Variants in S100A14 observed in about 807,000 individuals in gnomAD.
S100A14 encodes the protein S100 calcium binding protein A14.
Under a neutral mutation model 10.6 loss-of-function variants are expected in S100A14, and 6 were observed. That is an observed-to-expected ratio of 0.57 (90% CI 0.31 to 1.12). S100A14 has a LOEUF of 1.12. S100A14 is among the 50% of genes most tolerant of loss of function. The pLI, the probability that S100A14 is intolerant of heterozygous loss-of-function variation, is 0.06. For synonymous variants in S100A14, 51 were observed against 51.0 expected, an observed-to-expected ratio of 1.00 and a Z score of 0.00; for missense variants, 121 against 128.7, an observed-to-expected ratio of 0.94 and a Z score of 0.29.
intron 1 of S100A14, 21 bp from the exon 2 acceptor site, chr1:153,615,957 G>T: frequency 8.3e-7 from 1 of 1,200,444 alleles, no homozygotes; most frequent in Non-Finnish European, 1.2e-6. Flanking sequence ...GAGGGGGTAG[G>T]CCTGAGCTGA....
intron 2 of S100A14, 52 bp from the exon 3 acceptor site, chr1:153,615,433 C>T (rs777677124): frequency 8.2e-6 from 13 of 1,584,682 alleles, no homozygotes; most frequent in Admixed American, 7.0e-5. Context: ...CACCCCAAAA[C>T]CCTGCTTCTC....
Position 153,614,708 on chromosome 1 carries a change from C to T in S100A14, c.*177G>A. ...TCCCTCTGGTGGAGACTCCTCCACC[C>T]ATGAGCTCCCCAGAGCATCCAAGAC... On this transcript the variant is annotated 3_prime_UTR_variant, in exon 4 of 4. Coordinates refer to ENST00000344616, the MANE Select transcript of S100A14 (RefSeq NM_020672.3). The T allele has an allele frequency of 1.4e-6, 1 of 716,018 alleles. No homozygotes were observed. The highest frequency in any genetic ancestry group is 2.2e-6 in the Non-Finnish European group (1 of 454,616). The allele number at this position is 716,018 out of a possible 1,614,324, so 44.4% of individuals were successfully genotyped here. A position where few individuals can be genotyped will look rare whatever the true frequency, so the allele number is the denominator to read the frequency against.
chr1:153,615,425 C>A, intron 2 of S100A14, 44 bp from the exon 3 acceptor site: 3 of 1,592,852 alleles, frequency 1.9e-6, no homozygotes, highest in Non-Finnish European at 2.6e-6. Context: ...GCTCCATGCA[C>A]CCCAAAACCC....
At chr1:153,615,111 G>A in intron 3 of S100A14, 89 bp from the exon 4 acceptor site, 3 of 1,586,366 alleles carry the variant, frequency 1.9e-6, no homozygotes, top group Admixed American at 3.4e-5. Context: ...AGCAGGAGCA[G>A]AGGCTACCTA....
intron 1 of S100A14, 115 bp from the exon 2 acceptor site, chr1:153,616,051 A>T (rs981591075): frequency 1.8e-6 from 1 of 567,372 alleles, no homozygotes; most frequent in African/African-American, 1.9e-5. Context: ...TTCAAAACCA[A>T]CACCACATAG....
Position 153,614,898 on chromosome 1 carries a change from A to T in S100A14, c.302T>A (p.Val101Asp). 1 of 1,613,754 alleles carries T rather than the reference A, an allele frequency of 6.2e-7. No individual in the cohort carries two copies. ...AAKSVKLERP[V>D]RGH ...CAGAGGGAGTTCTCAGTGCCCCCGG[A>T]CAGGCCTCTCCAGCTTCACACTCTT... The change falls in exon 4 of 4, where the codon GTC becomes GAC. Residue 101 changes from valine to aspartate, a missense_variant. Val to Asp is a radical substitution (Grantham distance 152). Transcript: ENST00000344616.
chr1:153,615,719 G>T, intron 2 of S100A14, 110 bp downstream of exon 2: 1 of 1,112,106 alleles, frequency 9.0e-7, no homozygotes, highest in Non-Finnish European at 1.4e-6. Context: ...ACAGGGTCTG[G>T]GGTGCAGGGC....
At position 153,614,782 on chromosome 1, in the gene S100A14, G is replaced by C. The variant is rs934075850; in HGVS notation, c.*103C>G. ...GGAAGCTGAACTTTGCAGAGATGAG[G>C]ACAGGTGCAGGCTAGGGTACAGGGT... On this transcript the variant is annotated 3_prime_UTR_variant, in exon 4 of 4. Transcript: ENST00000344616. The C allele has an allele frequency of 8.0e-6, 11 of 1,379,418 alleles. No homozygotes were observed. In the African/African-American group the frequency reaches 1.6e-4, roughly 20 times the overall value. The allele number at this position is 1,379,418 out of a possible 1,614,324, so 85.4% of individuals were successfully genotyped here.
In S100A14 at chr1:153,614,491, A is replaced by G. The variant is rs1344747310; in HGVS notation, c.*394T>C. On this transcript the variant is annotated 3_prime_UTR_variant, in exon 4 of 4. Coordinates refer to ENST00000344616, the MANE Select transcript of S100A14 (RefSeq NM_020672.3). ...CAGACAGCTATGGTTTGGATTGGGGAAGAGATTAGGAAGTAGGTTCTTAAA... is the reference window on the plus strand; with the variant it reads ...CAGACAGCTATGGTTTGGATTGGGGGAGAGATTAGGAAGTAGGTTCTTAAA... 5.8e-6 allele frequency: 1 copy of G among 171,108 alleles called. No homozygotes were observed. Among genetic ancestry groups the G allele is most frequent in the Non-Finnish European group, 1.3e-5 (1 of 78,930 alleles). The allele number at this position is 171,108 out of a possible 1,614,324, so 10.6% of individuals were successfully genotyped here. A position where few individuals can be genotyped will look rare whatever the true frequency, so the allele number is the denominator to read the frequency against.
intron 2 of S100A14, 51 bp from the exon 3 acceptor site, chr1:153,615,432 AC>A (rs1478791752): frequency 7.6e-6 from 12 of 1,586,534 alleles, no homozygotes; most frequent in Non-Finnish European, 9.4e-6. Flanking sequence ...GCACCCCAAA[AC>A]CCTGCTTCTC....
At position 153,615,228 on chromosome 1, in the gene S100A14, T is replaced by C. The variant is rs771704930; in HGVS notation, c.177+7A>G. ...ACTGGCTGAGGTGGGGTGTGCTCCG[T>C]CCATACCGGCATGAGATGGGGCAGC... is the stretch of plus-strand genomic sequence containing the variant. On this transcript the variant is annotated splice_region_variant and intron_variant, in intron 3 of 3. Transcript: ENST00000344616. 3 of 1,613,320 alleles carry C rather than the reference T, an allele frequency of 1.9e-6. No homozygotes were observed. The highest frequency in any genetic ancestry group is 1.3e-5 in the African/African-American group (1 of 74,946).
At position 153,614,996 on chromosome 1, in the gene S100A14, A is replaced by G. The variant is rs1666930073; in HGVS notation, c.204T>C (p.Ile68=). 5.0e-6 allele frequency: 8 copies of G among 1,613,904 alleles called. No individual in the cohort carries two copies. The highest frequency in any genetic ancestry group is 6.8e-6 in the Non-Finnish European group (8 of 1,179,988). ...AGTCATTGCAGCTGCCCAGGTTGGCAATTTTCTCTTCCAGGCCACAGTTGC... is the reference window on the plus strand; with the variant it reads ...AGTCATTGCAGCTGCCCAGGTTGGCGATTTTCTCTTCCAGGCCACAGTTGC... ...MPSNCGLEEK[I]ANLGSCNDSK... Residue 68 remains isoleucine, a synonymous_variant, in exon 4 of 4, where the codon ATT becomes ATC. Transcript: ENST00000344616.
Position 153,614,758 on chromosome 1 carries a change from G to A in S100A14, c.*127C>T. 1 of 1,176,028 alleles carries A rather than the reference G, an allele frequency of 8.5e-7. No homozygotes were observed. Among genetic ancestry groups the A allele is most frequent in the Non-Finnish European group, 1.2e-6 (1 of 843,864 alleles). The allele number at this position is 1,176,028 out of a possible 1,614,324, so 72.8% of individuals were successfully genotyped here. A position where few individuals can be genotyped will look rare whatever the true frequency, so the allele number is the denominator to read the frequency against. ...CAGAGTGCACAGAGACCTGGGGAAG[G>A]AAGCTGAACTTTGCAGAGATGAGGA... On this transcript the variant is annotated 3_prime_UTR_variant, in exon 4 of 4. Transcript: ENST00000344616.
Position 153,615,826 on chromosome 1 carries a change from C to T in S100A14, c.30+3G>A, listed in dbSNP as rs1666951100. 1.2e-6 allele frequency: 2 copies of T among 1,613,824 alleles called. No individual in the cohort carries two copies. Among genetic ancestry groups the T allele is most frequent in the Admixed American group, 1.7e-5 (1 of 59,988 alleles). On this transcript the variant is annotated splice_donor_region_variant and intron_variant, in intron 2 of 3. Coordinates refer to ENST00000344616, the MANE Select transcript of S100A14 (RefSeq NM_020672.3). ...CAGAAAGGCCAGGAGTGAATGAGCC[C>T]ACCTCTGCGTTGGCTGACCGACACT...
intron 3 of S100A14, 40 bp downstream of exon 3, chr1:153,615,195 G>A: frequency 1.2e-6 from 2 of 1,609,880 alleles, no homozygotes; most frequent in Non-Finnish European, 1.7e-6. Flanking sequence ...TGCTTGGGAA[G>A]TCAGGGTACT....
Position 153,615,925 on chromosome 1 carries a change from A to G in S100A14, c.-67T>C. The stretch of plus-strand genomic sequence containing the variant: ...CCTATAGCTGGCCCCAGAGGAGCTG[A>G]TGGCTCATGATCTGCTTAGAGGAGG... On this transcript the variant is annotated 5_prime_UTR_variant, in exon 2 of 4. Transcript: ENST00000344616. 6.6e-7 allele frequency: 1 copy of G among 1,523,990 alleles called. No homozygotes were observed. 94.4% of individuals were successfully genotyped at this position (1,523,990 alleles called of 1,614,324 possible).
rs1212251445 is a variant in S100A14 at position 153,614,483 on chromosome 1, G to C, written c.*402C>G. 5.8e-6 allele frequency: 1 copy of C among 172,134 alleles called. No homozygotes were observed. The highest frequency in any genetic ancestry group is 1.6e-4 in the East Asian group (1 of 6,130). The allele number at this position is 172,134 out of a possible 1,614,324, so 10.7% of individuals were successfully genotyped here. On this transcript the variant is annotated 3_prime_UTR_variant, in exon 4 of 4. Coordinates refer to ENST00000344616, the MANE Select transcript of S100A14 (RefSeq NM_020672.3). The stretch of plus-strand genomic sequence containing the variant: ...GCACTGGACAGACAGCTATGGTTTG[G>C]ATTGGGGAAGAGATTAGGAAGTAGG...
Position 153,614,773 on chromosome 1 carries a change from A to C in S100A14, c.*112T>G. 3 of 1,310,368 alleles carry C rather than the reference A, an allele frequency of 2.3e-6. No individual in the cohort carries two copies. The highest frequency in any genetic ancestry group is 3.1e-6 in the Non-Finnish European group (3 of 954,110). 81.2% of individuals were successfully genotyped at this position (1,310,368 alleles called of 1,614,324 possible). On this transcript the variant is annotated 3_prime_UTR_variant, in exon 4 of 4. Transcript: ENST00000344616. ...CCTGGGGAAGGAAGCTGAACTTTGC[A>C]GAGATGAGGACAGGTGCAGGCTAGG...
rs748212470 is a variant in S100A14, at chr1:153,615,192, G to A, written c.177+43C>T. On this transcript the variant is annotated intron_variant, in intron 3 of 3. Coordinates refer to ENST00000344616, the MANE Select transcript of S100A14 (RefSeq NM_020672.3). ...GTGGGGTCCCGGAGCACTTGCTTGG[G>A]AAGTCAGGGTACTGGCTGAGGTGGG... is the stretch of plus-strand genomic sequence containing the variant. The A allele has an allele frequency of 4.4e-6, 7 of 1,608,716 alleles. No individual in the cohort carries two copies. In the African/African-American group the frequency reaches 5.3e-5, roughly 12 times the overall value.
Sources: allele counts gnomAD v4.1 joint callset, GRCh38; gene constraint gnomAD v4.1.1; transcripts MANE v1.5; gene names NCBI Gene and HGNC (gene_info 2026-07-23, HGNC 2026-07-21).